GRIN2A: variants seen among roughly 807,000 people sequenced by gnomAD.
The protein encoded by GRIN2A is glutamate ionotropic receptor NMDA type subunit 2A.
GRIN2A carries 22 observed loss-of-function variants against 113.4 expected under a neutral mutation model. The observed-to-expected ratio is 0.19, with a 90% CI of 0.14 to 0.28. The LOEUF (loss-of-function observed/expected upper bound fraction) is 0.28. Ranked by LOEUF, GRIN2A falls within the 10% of genes least tolerant of loss-of-function variation. The pLI is 1.00. For missense variants in GRIN2A, 1,502 were observed against 1,887.0 expected (o/e 0.80, Z 3.78); for synonymous variants, 827 against 738.4 (o/e 1.12, Z -1.94).
intron 6 of GRIN2A, 24 bp downstream of exon 6, chr16:9,840,912 C>A (rs1156976014): frequency 6.2e-7 from 1 of 1,612,324 alleles, no homozygotes; most frequent in East Asian, 2.2e-5. Context: ...GAGTAAGAGC[C>A]TAGGGGATGA....
rs984893060 is a variant in GRIN2A, at chr16:9,756,808, A to G, written c.*6341T>C. ...ACATTCCAAGAATGCACAGAATGGGATAGACAGAGTGACAAAAGCTCCCTC... is the reference window on the plus strand; with the variant it reads ...ACATTCCAAGAATGCACAGAATGGGGTAGACAGAGTGACAAAAGCTCCCTC... On this transcript the variant is annotated 3_prime_UTR_variant, in exon 13 of 13. Coordinates refer to ENST00000330684, the MANE Select transcript of GRIN2A (RefSeq NM_001134407.3). The G allele has an allele frequency of 5.5e-6, 1 of 182,584 alleles. No individual in the cohort carries two copies. The highest frequency in any genetic ancestry group is 2.4e-5 in the African/African-American group (1 of 42,514). 11.3% of individuals were successfully genotyped at this position (182,584 alleles called of 1,614,324 possible).
intron 2 of GRIN2A, among the ~76,000 whole-genome samples, chr16:10,036,342 A>G (rs1386152179): frequency 6.9e-6 from 1 of 145,664 alleles, no homozygotes; most frequent in African/African-American, 2.6e-5. Context: ...AGGACAATCT[A>G]TTTCATGCCT....
intron 2 of GRIN2A, among the ~76,000 whole-genome samples, chr16:10,069,034 G>A (rs118079507): frequency 0.013 from 1,947 of 152,232 alleles, 28 homozygotes; most frequent in South Asian, 0.043. Flanking sequence ...TAAGGACCCC[G>A]CAGTTCATGA....
chr16:10,111,640 G>T, intron 2 of GRIN2A: 2 of 1,525,944 alleles, frequency 1.3e-6, no homozygotes, highest in Non-Finnish European at 1.8e-6. Context: ...TCTGATGGGA[G>T]GTATTGGTTT....
At chr16:9,768,742 A>G in intron 12 of GRIN2A, 109 bp downstream of exon 12, 1 of 817,524 alleles carries the variant, frequency 1.2e-6, no homozygotes. Context: ...GACATGCCCA[A>G]GAAAGGCTGG....
chr16:9,967,133 G>A (rs1369162787), intron 2 of GRIN2A, among the ~76,000 whole-genome samples: 2 of 152,090 alleles, frequency 1.3e-5, no homozygotes, highest in African/African-American at 2.4e-5. Flanking sequence ...TTCTTCCTGC[G>A]ACTCTGTGGT....
intron 10 of GRIN2A, among the ~76,000 whole-genome samples, chr16:9,815,266 T>A (rs9674103): frequency 0.29 from 43,464 of 151,752 alleles, 6,592 homozygotes; most frequent in African/African-American, 0.37. Context: ...AATTTTTTTT[T>A]AAATGTGCAT....
chr16:10,004,608 A>G (rs1490934674), intron 2 of GRIN2A, among the ~76,000 whole-genome samples: 1 of 152,110 alleles, frequency 6.6e-6, no homozygotes, highest in Non-Finnish European at 1.5e-5. Flanking sequence ...CAGTTCCTAG[A>G]ATTGTAATCC....
intron 2 of GRIN2A, among the ~76,000 whole-genome samples, chr16:10,138,096 G>A (rs1001334769): frequency 3.9e-5 from 6 of 152,180 alleles, no homozygotes; most frequent in Admixed American, 6.5e-5. Flanking sequence ...AGGTGGGCAT[G>A]GCACTTTCCT....
At chr16:9,824,216 G>A (rs1355115399) in intron 9 of GRIN2A, among the ~76,000 whole-genome samples, 1 of 152,166 alleles carries the variant, frequency 6.6e-6, no homozygotes, top group East Asian at 1.9e-4. Flanking sequence ...GCCTTGCCCT[G>A]GGAGTATGTG....
At chr16:10,000,914 C>G (rs996522996) in intron 2 of GRIN2A, among the ~76,000 whole-genome samples, 3 of 152,170 alleles carry the variant, frequency 2.0e-5, no homozygotes, top group Admixed American at 6.5e-5. Context: ...GAACTCTAGA[C>G]TCCTCCTGGG....
intron 10 of GRIN2A, among the ~76,000 whole-genome samples, chr16:9,802,121 G>A (rs1903399948): frequency 1.3e-5 from 2 of 152,224 alleles, no homozygotes; most frequent in Admixed American, 6.5e-5. Flanking sequence ...CTGATGGTGG[G>A]AGTGTAGATT....
intron 10 of GRIN2A, among the ~76,000 whole-genome samples, chr16:9,800,761 G>T (rs1300894088): frequency 6.6e-6 from 1 of 152,068 alleles, no homozygotes; most frequent in Non-Finnish European, 1.5e-5. Flanking sequence ...GAAGAGAACT[G>T]GGCACTGATT....
At position 9,757,134 on chromosome 16, in the gene GRIN2A, T is replaced by C. The variant is rs1319638257; in HGVS notation, c.*6015A>G. 4.6e-6 allele frequency: 1 copy of C among 216,018 alleles called. No homozygotes were observed. Among genetic ancestry groups the C allele is most frequent in the Non-Finnish European group, 9.3e-6 (1 of 107,226 alleles). The allele number at this position is 216,018 out of a possible 1,614,324, so 13.4% of individuals were successfully genotyped here. A position where few individuals can be genotyped will look rare whatever the true frequency, so the allele number is the denominator to read the frequency against. On this transcript the variant is annotated 3_prime_UTR_variant, in exon 13 of 13. Coordinates refer to ENST00000330684, the MANE Select transcript of GRIN2A (RefSeq NM_001134407.3). ...TTTCAACCTTTTCTTGAGGCACATG[T>C]CATAATGCAAGGCTGGGAGGAGGCA...
intron 2 of GRIN2A, among the ~76,000 whole-genome samples, chr16:10,038,083 G>A (rs1006086310): frequency 7.1e-6 from 1 of 141,338 alleles, no homozygotes; most frequent in Non-Finnish European, 1.5e-5. Context: ...AAAAACAACA[G>A]ACTTTATTTC....
chr16:9,964,016 G>T (rs1262274236), intron 2 of GRIN2A, among the ~76,000 whole-genome samples: 1 of 152,144 alleles, frequency 6.6e-6, no homozygotes, highest in Admixed American at 6.6e-5. Flanking sequence ...TAGGGCATGT[G>T]GTGTCTTGAT....
intron 12 of GRIN2A, among the ~76,000 whole-genome samples, chr16:9,766,010 C>G (rs996229529): frequency 1.3e-5 from 2 of 152,132 alleles, no homozygotes; most frequent in Admixed American, 1.3e-4. Flanking sequence ...GCCCTTGATT[C>G]CTACCACAAT....
At chr16:9,898,054 CTTTTTT>C (rs71402414) in intron 3 of GRIN2A, among the ~76,000 whole-genome samples, 2 of 109,722 alleles carry the variant, frequency 1.8e-5, no homozygotes, top group Non-Finnish European at 3.5e-5. Context: ...CCTCCATTTC[CTTTTTT>C]TTTTTTTTTT....
Position 9,891,500 on chromosome 16 carries a change from A to G in GRIN2A, c.1008-400T>C, listed in dbSNP as rs138633254. Among the ~76,000 whole-genome samples, 519 of 152,356 alleles carry G rather than the reference A, an allele frequency of 3.4e-3. 4 individuals carry two copies. The highest frequency in any genetic ancestry group is 0.014 in the Middle Eastern group (4 of 294). ...TTCATTATTTATTCAACTAATATATATGAAGCATTTGCTATATGTCAGGAC... is the reference window on the plus strand; with the variant it reads ...TTCATTATTTATTCAACTAATATATGTGAAGCATTTGCTATATGTCAGGAC... On this transcript the variant is annotated intron_variant, in intron 3 of 12. Coordinates refer to ENST00000330684, the MANE Select transcript of GRIN2A (RefSeq NM_001134407.3).
Sources: gnomAD v4.1 joint callset for allele counts (sites outside exome capture counted in the v4.1 genomes callset) on GRCh38, gnomAD v4.1.1 for gene constraint, MANE v1.5 for transcripts, NCBI Gene and HGNC (gene_info 2026-07-23, HGNC 2026-07-21) for gene names.